The following PTH2R variants were observed in gnomAD, a reference collection of about 807,000 sequenced individuals.
PTH2R encodes the protein parathyroid hormone 2 receptor.
A neutral mutation model predicts 60.3 loss-of-function variants in PTH2R; 59 were observed. The observed-to-expected ratio is 0.98, with a 90% CI of 0.79 to 1.22. PTH2R has a LOEUF of 1.22. PTH2R is among the 50% of genes most tolerant of loss of function. PTH2R has a pLI of 0.00. For missense variants in PTH2R, 749 were observed against 682.6 expected (o/e 1.10, Z -1.08); for synonymous variants, 256 against 243.8 (o/e 1.05, Z -0.47).
chr2:208,396,249 A>G (rs1701205178), intron 1 of PTH2R, among the ~76,000 whole-genome samples: 2 of 152,196 alleles, frequency 1.3e-5, no homozygotes, highest in African/African-American at 4.8e-5. Context: ...ACATAGGCAC[A>G]GGCAAGGACT....
intron 1 of PTH2R, among the ~76,000 whole-genome samples, chr2:208,380,463 A>G (rs1263026505): frequency 6.6e-6 from 1 of 152,126 alleles, no homozygotes; most frequent in African/African-American, 2.4e-5. Flanking sequence ...TCCATATTTT[A>G]TTGGAAATAA....
intron 1 of PTH2R, among the ~76,000 whole-genome samples, chr2:208,388,134 C>CT (rs897898143): frequency 1.8e-5 from 2 of 110,462 alleles, no homozygotes; most frequent in East Asian, 2.1e-4. Context: ...ATGGTGAAAC[C>CT]CCCCCCCCCG....
At chr2:208,404,671 A>G (rs189141773), upstream of PTH2R, among the ~76,000 whole-genome samples, 413 of 152,298 alleles carry the variant, frequency 2.7e-3, 1 homozygote, top group Admixed American at 3.9e-3. Flanking sequence ...AGAGAAAGAC[A>G]CTTGCACACG....
intron 1 of PTH2R, among the ~76,000 whole-genome samples, chr2:208,396,659 G>T (rs1701213312): frequency 6.6e-6 from 1 of 152,178 alleles, no homozygotes; most frequent in Non-Finnish European, 1.5e-5. Context: ...GGAAACAACA[G>T]ATGCTGGAGA....
chr2:208,435,853 C>T (rs1393255528), intron 2 of PTH2R, among the ~76,000 whole-genome samples: 7 of 152,214 alleles, frequency 4.6e-5, no homozygotes, highest in Non-Finnish European at 8.8e-5. Context: ...TTATTTTAAG[C>T]TGTGAAGTTT....
intron 7 of PTH2R, among the ~76,000 whole-genome samples, chr2:208,448,564 G>T (rs1393986502): frequency 6.6e-6 from 1 of 150,652 alleles, no homozygotes; most frequent in African/African-American, 2.4e-5. Flanking sequence ...AACCCGGGAG[G>T]CGGAGCTTGC....
chr2:208,388,415 C>G (rs544002437), intron 1 of PTH2R, among the ~76,000 whole-genome samples: 2 of 152,306 alleles, frequency 1.3e-5, no homozygotes, highest in African/African-American at 4.8e-5. Context: ...AAAGGTCTAA[C>G]CTTCGGTGAC....
At chr2:208,454,568 A>C (rs527715389) in intron 8 of PTH2R, among the ~76,000 whole-genome samples, 10 of 152,348 alleles carry the variant, frequency 6.6e-5, no homozygotes, top group Non-Finnish European at 1.2e-4. Flanking sequence ...CCTGATCTTG[A>C]ACTTCTAGTC....
At chr2:208,411,978 TA>T (rs1701548355) in intron 1 of PTH2R, among the ~76,000 whole-genome samples, 1 of 152,208 alleles carries the variant, frequency 6.6e-6, no homozygotes, top group African/African-American at 2.4e-5. Flanking sequence ...ATTACTAGAT[TA>T]AGATTATTTC....
At chr2:208,406,046 G>T (rs931119642), upstream of PTH2R, among the ~76,000 whole-genome samples, 1 of 152,102 alleles carries the variant, frequency 6.6e-6, no homozygotes, top group African/African-American at 2.4e-5. Flanking sequence ...GGAGGTTCTC[G>T]CATTTCTCCC....
At chr2:208,373,956 T>G (rs560602957) in intron 1 of PTH2R, among the ~76,000 whole-genome samples, 12 of 152,218 alleles carry the variant, frequency 7.9e-5, no homozygotes, top group African/African-American at 2.2e-4. Context: ...GCAAATACAC[T>G]TCATATGCTT....
intron 9 of PTH2R, among the ~76,000 whole-genome samples, chr2:208,465,002 A>G (rs992475055): frequency 6.6e-6 from 1 of 151,884 alleles, no homozygotes; most frequent in Admixed American, 6.6e-5. Context: ...TTGAGACAGG[A>G]TCTCACTCTG....
In PTH2R at chr2:208,458,608, C is replaced by G. The variant is rs11899395; in HGVS notation, c.915-1287C>G. On this transcript the variant is annotated intron_variant, in intron 8 of 12. Coordinates refer to ENST00000272847, the MANE Select transcript of PTH2R (RefSeq NM_005048.4). ...CTCCTCTCCCTCCTCCTACCTTCCC[C>G]CCTCAAGTACACCCCAGTGTCTGTT... 1.2e-3 allele frequency among the ~76,000 whole-genome samples: 182 copies of G among 152,242 alleles called. 1 individual carries two copies. The highest frequency in any genetic ancestry group is 4.3e-3 in the African/African-American group (178 of 41,548).
chr2:208,462,443 G>A (rs1171229856), intron 9 of PTH2R, among the ~76,000 whole-genome samples: 1 of 152,148 alleles, frequency 6.6e-6, no homozygotes, highest in African/African-American at 2.4e-5. Context: ...GAATGTGGAA[G>A]GCCTGTGTGG....
At chr2:208,377,737 G>T (rs1473338810) in intron 1 of PTH2R, among the ~76,000 whole-genome samples, 1 of 151,440 alleles carries the variant, frequency 6.6e-6, no homozygotes, top group Non-Finnish European at 1.5e-5. Context: ...CCCAGACGGG[G>T]TCGCGGCTGG....
At chr2:208,379,911 A>C (rs2885827) in intron 1 of PTH2R, among the ~76,000 whole-genome samples, 150,072 of 151,912 alleles carry the variant, frequency 0.99, 74,165 homozygotes, top group Middle Eastern at 1. Flanking sequence ...TTACACAGAG[A>C]ATTCCTGATT....
At chr2:208,468,357 T>A (rs1368156892) in intron 9 of PTH2R, among the ~76,000 whole-genome samples, 1 of 152,204 alleles carries the variant, frequency 6.6e-6, no homozygotes, top group African/African-American at 2.4e-5. Flanking sequence ...ATCCGACCAA[T>A]AACTCTAAAT....
At chr2:208,439,576 A>T (rs968015278) in intron 4 of PTH2R, among the ~76,000 whole-genome samples, 1 of 152,040 alleles carries the variant, frequency 6.6e-6, no homozygotes, top group African/African-American at 2.4e-5. Context: ...TAAATGCCAC[A>T]TTTTTATCAG....
intron 1 of PTH2R, among the ~76,000 whole-genome samples, chr2:208,397,503 G>A (rs562157732): frequency 7.9e-5 from 12 of 152,190 alleles, no homozygotes; most frequent in Non-Finnish European, 1.5e-4. Flanking sequence ...CACATGTGGA[G>A]TGGCTTTAGG....
Sources: gnomAD v4.1 joint callset for allele counts (sites outside exome capture counted in the v4.1 genomes callset) on GRCh38, gnomAD v4.1.1 for gene constraint, MANE v1.5 for transcripts, NCBI Gene and HGNC (gene_info 2026-07-23, HGNC 2026-07-21) for gene names.